RRM2: variants seen among roughly 807,000 people sequenced by gnomAD.
The protein encoded by RRM2 is ribonucleoside-diphosphate reductase subunit M2.
In RRM2, 6 loss-of-function variants were observed where a neutral mutation model predicts 45.9. That is an observed-to-expected ratio of 0.13 (90% CI 0.07 to 0.26). The LOEUF is 0.26. RRM2 is among the 10% of genes least tolerant of loss of function. The pLI is 1.00. For missense variants in RRM2, 343 were observed against 489.5 expected (o/e 0.70, Z 2.82); for synonymous variants, 177 against 173.0 (o/e 1.02, Z -0.18).
rs1047233963 is a variant in RRM2, at chr2:10,186,596, C to A, written n.483-23715C>A. On this transcript the variant is annotated intron_variant and non_coding_transcript_variant, in intron 3 of 3. Coordinates refer to the RRM2 transcript ENST00000381786. Reference sequence around the variant, plus strand: ...ACGCTGAGACCAGCCTGCCTGGGGTCAATGCCCTCTAACCCCTCTGTGCCT... The same window carrying A: ...ACGCTGAGACCAGCCTGCCTGGGGTAAATGCCCTCTAACCCCTCTGTGCCT... Among the ~76,000 whole-genome samples the A allele has an allele frequency of 1.5e-4, 23 of 152,308 alleles. No individual in the cohort carries two copies. The East Asian group carries it at 4.1e-3, about 27-fold the overall frequency.
At chr2:10,180,095 A>G (rs561159708) in intron 3 of RRM2, among the ~76,000 whole-genome samples, 4 of 152,316 alleles carry the variant, frequency 2.6e-5, no homozygotes, top group South Asian at 4.1e-4. Context: ...CCCCCAGAGG[A>G]GGTCTGGGTC....
chr2:10,205,927 A>T lies in RRM2; in HGVS notation n.483-4384A>T, dbSNP rs954977254. Among the ~76,000 whole-genome samples the T allele has an allele frequency of 1.3e-5, 2 of 151,990 alleles. No homozygotes were observed. The highest frequency in any genetic ancestry group is 4.8e-5 in the African/African-American group (2 of 41,434). ...AGGCTGGTCTCGAACTCCTGACCTC[A>T]TATGATCCTCCCGCCTTGGCTTCCC... On this transcript the variant is annotated intron_variant and non_coding_transcript_variant, in intron 3 of 3. Coordinates refer to the RRM2 transcript ENST00000381786. This position sits in a 1 kb window ranked among gnomAD's most constrained non-coding sequence, Gnocchi z 4.8.
intron 3 of RRM2, among the ~76,000 whole-genome samples, chr2:10,162,392 A>G (rs1430267248): frequency 6.6e-6 from 1 of 152,140 alleles, no homozygotes; most frequent in South Asian, 2.1e-4. Context: ...GCGCTGGCCC[A>G]GGAATCAGAG....
At chr2:10,135,320 AAAC>A (rs1364936564), downstream of RRM2, among the ~76,000 whole-genome samples, 4 of 152,202 alleles carry the variant, frequency 2.6e-5, no homozygotes, top group African/African-American at 9.6e-5. Context: ...GACCGAACTC[AAAC>A]AACAAATGGA....
intron 3 of RRM2, among the ~76,000 whole-genome samples, chr2:10,184,656 C>T (rs1664127375): frequency 6.6e-6 from 1 of 152,230 alleles, no homozygotes; most frequent in Non-Finnish European, 1.5e-5. Flanking sequence ...TCCTTCATGG[C>T]TCCATGCACA....
chr2:10,177,991 G>A (rs12476357), intron 3 of RRM2, among the ~76,000 whole-genome samples: 45,233 of 149,452 alleles, frequency 0.3, 7,193 homozygotes, highest in South Asian at 0.49. Flanking sequence ...GCGCGATCTC[G>A]GCTCACTGCA....
At chr2:10,207,560 C>T (rs1664686483) in intron 3 of RRM2, among the ~76,000 whole-genome samples, 2 of 152,192 alleles carry the variant, frequency 1.3e-5, no homozygotes, top group Admixed American at 1.3e-4. Context: ...CCTCTCTGGA[C>T]TCTTTTGGCC....
chr2:10,129,841 C>T lies in RRM2; in HGVS notation c.*455C>T, dbSNP rs1347974724. 6.4e-6 allele frequency: 1 copy of T among 155,316 alleles called. No homozygotes were observed. The highest frequency in any genetic ancestry group is 2.4e-5 in the African/African-American group (1 of 41,532). The allele number at this position is 155,316 out of a possible 1,614,324, so 9.6% of individuals were successfully genotyped here. On this transcript the variant is annotated 3_prime_UTR_variant, in exon 10 of 10. Transcript: ENST00000304567. This position sits in a 1 kb window ranked among gnomAD's most constrained non-coding sequence, Gnocchi z 4.8. ...ATTTATTTGGTTTCTACACCAAATA[C>T]ATTCTCCTGACCACTAATGGGAGCC...
At chr2:10,203,440 G>T (rs1346479961) in intron 3 of RRM2, among the ~76,000 whole-genome samples, 1 of 152,114 alleles carries the variant, frequency 6.6e-6, no homozygotes, top group Non-Finnish European at 1.5e-5. Context: ...TGTTCTTGGG[G>T]GGTAAATGAA....
chr2:10,201,792 C>CTTGGTATGTGTT (rs1266891126), intron 3 of RRM2, among the ~76,000 whole-genome samples: 1 of 151,966 alleles, frequency 6.6e-6, no homozygotes, highest in Non-Finnish European at 1.5e-5. Context: ...CTCCCACAAC[C>CTTGGTATGTGTT]TTGGAACACA....
rs1381572825 is a variant in RRM2 at position 10,149,211 on chromosome 2, C to T, written n.482+6836C>T. On this transcript the variant is annotated intron_variant and non_coding_transcript_variant, in intron 3 of 3. Coordinates refer to the RRM2 transcript ENST00000381786. ...TGGTGGGATCTCAGCTTGCTGCAAC[C>T]TCTGCCTCCTGGGATCAAGCGATTC... is the stretch of plus-strand genomic sequence containing the variant. Among the ~76,000 whole-genome samples, 4 of 152,050 alleles carry T rather than the reference C, an allele frequency of 2.6e-5. No homozygotes were observed. In the South Asian group the frequency reaches 8.3e-4, roughly 32 times the overall value.
chr2:10,127,144 C>G lies in RRM2; in HGVS notation c.722C>G (p.Ala241Gly). The G allele has an allele frequency of 6.2e-7, 1 of 1,614,100 alleles. No individual in the cohort carries two copies. The highest frequency in any genetic ancestry group is 8.5e-7 in the Non-Finnish European group (1 of 1,180,008). The part of the protein sequence containing the change: ...VEGIFFSGSF[A>G]SIFWLKKRGL... ...GGCATTTTCTTTTCCGGTTCTTTTGCGTCGATATTCTGGCTCAAGAAACGA... is the reference window on the plus strand; with the variant it reads ...GGCATTTTCTTTTCCGGTTCTTTTGGGTCGATATTCTGGCTCAAGAAACGA... The change falls in exon 7 of 10, where the codon GCG becomes GGG. Residue 241 changes from alanine (A) to glycine (G), a missense_variant. Ala to Gly is a moderately conservative substitution (Grantham distance 60, BLOSUM62 0). Around this residue, in one of 2 missense-constraint regions of RRM2, gnomAD observed 212 missense variants for 368.1 expected, o/e 0.58. Transcript: ENST00000304567. The surrounding 1 kb of genome is among the most constrained non-coding windows in gnomAD (Gnocchi z 4.1).
intron 3 of RRM2, among the ~76,000 whole-genome samples, chr2:10,177,187 G>A (rs190182694): frequency 6.8e-4 from 104 of 151,944 alleles, no homozygotes; most frequent in African/African-American, 2.4e-3. Context: ...TGAAGGTTGC[G>A]GTGAACCAAG....
At chr2:10,209,057 CTTT>C (rs1553330335) in intron 3 of RRM2, among the ~76,000 whole-genome samples, 1 of 102,512 alleles carries the variant, frequency 9.8e-6, no homozygotes. Flanking sequence ...TTCTTTCTTT[CTTT>C]TTTTTTTTTT....
chr2:10,159,272 G>A (rs1055575354), intron 3 of RRM2, among the ~76,000 whole-genome samples: 5 of 152,142 alleles, frequency 3.3e-5, no homozygotes, highest in Non-Finnish European at 7.3e-5. Context: ...GTACCCAGAC[G>A]ATGAGCAAAG....
upstream of RRM2, among the ~76,000 whole-genome samples, chr2:10,137,518 G>A (rs550232539): frequency 3.9e-4 from 59 of 152,346 alleles, no homozygotes; most frequent in Admixed American, 2.5e-3. Context: ...AGGACCAGGG[G>A]CTCTCTTACT....
chr2:10,152,981 A>C (rs1663348244), intron 3 of RRM2, among the ~76,000 whole-genome samples: 1 of 152,192 alleles, frequency 6.6e-6, no homozygotes, highest in Admixed American at 6.5e-5. Context: ...TCCTGTGTTA[A>C]TTGCAGCATT....
chr2:10,134,452 C>T (rs973485880), downstream of RRM2, among the ~76,000 whole-genome samples: 8 of 152,152 alleles, frequency 5.3e-5, no homozygotes, highest in African/African-American at 1.9e-4. Flanking sequence ...CCCATTGGCA[C>T]AGTGGGGAAG....
At chr2:10,125,592 G>A (rs1248388076) in intron 5 of RRM2, among the ~76,000 whole-genome samples, 1 of 152,198 alleles carries the variant, frequency 6.6e-6, no homozygotes, top group Non-Finnish European at 1.5e-5. Context: ...TGCTTGGGAG[G>A]CTGAGACAGG....
Sources: gnomAD v4.1 joint callset for allele counts (sites outside exome capture counted in the v4.1 genomes callset) on GRCh38, gnomAD v4.1.1 for gene constraint, gnomAD v4.1.1 regional missense constraint, Gnocchi (gnomAD v3.1) non-coding constraint, MANE v1.5 for transcripts, NCBI Gene and HGNC (gene_info 2026-07-23, HGNC 2026-07-21) for gene names.